Variants in CDH13 observed in about 807,000 individuals in gnomAD.
The protein encoded by CDH13 is cadherin 13.
Under a neutral mutation model 63.8 loss-of-function variants are expected in CDH13, and 24 were observed. That is an observed-to-expected ratio of 0.38 (90% CI 0.27 to 0.53). The LOEUF is 0.53. CDH13 is among the 20% of genes least tolerant of loss of function. The pLI is 0.85. For missense variants in CDH13, 1,049 were observed against 903.1 expected (o/e 1.16, Z -2.07); for synonymous variants, 503 against 355.3 (o/e 1.42, Z -4.67).
At chr16:82,898,524 C>G (rs1228171056) in intron 2 of CDH13, among the ~76,000 whole-genome samples, 1 of 152,058 alleles carries the variant, frequency 6.6e-6, no homozygotes, top group Admixed American at 6.5e-5. Flanking sequence ...GACTCCATCT[C>G]AAAAAAATGA....
intron 4 of CDH13, among the ~76,000 whole-genome samples, chr16:83,172,261 C>T (rs1194032180): frequency 3.9e-5 from 6 of 152,086 alleles, no homozygotes; most frequent in Non-Finnish European, 7.4e-5. Context: ...GAGGCCGAGG[C>T]AGGCAGATCA....
intron 2 of CDH13, among the ~76,000 whole-genome samples, chr16:82,915,884 C>G (rs552224045): frequency 6.7e-6 from 1 of 150,186 alleles, no homozygotes; most frequent in Non-Finnish European, 1.5e-5. Flanking sequence ...ATATCACAGC[C>G]TCTGGAATCC....
At chr16:83,790,036 C>G (rs1567598364) in intron 13 of CDH13, 1 of 152,144 alleles carries the variant, frequency 6.6e-6, no homozygotes. Flanking sequence ...AAAAAATACT[C>G]AGATCCAAGT....
chr16:82,736,851 T>A (rs1391514629), intron 1 of CDH13, among the ~76,000 whole-genome samples: 1 of 152,190 alleles, frequency 6.6e-6, no homozygotes, highest in East Asian at 1.9e-4. Context: ...CCTGGTCAGA[T>A]GGCCTCTCTT....
intron 5 of CDH13, among the ~76,000 whole-genome samples, chr16:83,226,428 C>T (rs1006491919): frequency 5.3e-5 from 8 of 152,328 alleles, no homozygotes; most frequent in South Asian, 2.1e-4. Context: ...CAACTTGAAT[C>T]TTGGCAGGTG....
chr16:82,870,153 C>T lies in CDH13; in HGVS notation c.157+11680C>T, dbSNP rs537052449. 8.6e-5 allele frequency among the ~76,000 whole-genome samples: 13 copies of T among 151,900 alleles called. No individual in the cohort carries two copies. In the South Asian group the frequency reaches 1.5e-3, roughly 17 times the overall value. On this transcript the variant is annotated intron_variant, in intron 2 of 13. Coordinates refer to ENST00000567109, the MANE Select transcript of CDH13 (RefSeq NM_001257.5). ...AAAAAAAAATCTCATTAAAAATGGG[C>T]GAAAGATATGAATTGACGTTTCTCA...
chr16:83,248,340 G>A (rs545218023), intron 5 of CDH13, among the ~76,000 whole-genome samples: 28 of 152,218 alleles, frequency 1.8e-4, no homozygotes, highest in African/African-American at 6.5e-4. Flanking sequence ...TTCAGGAGCG[G>A]GTCTATCTGT....
At chr16:83,408,046 C>G (rs537144739) in intron 6 of CDH13, among the ~76,000 whole-genome samples, 6 of 152,294 alleles carry the variant, frequency 3.9e-5, no homozygotes, top group African/African-American at 1.4e-4. Context: ...TGTCTCCTCC[C>G]AGCAGCAGTG....
chr16:83,061,189 A>G (rs368903807), intron 3 of CDH13, among the ~76,000 whole-genome samples: 2 of 152,210 alleles, frequency 1.3e-5, no homozygotes, highest in Non-Finnish European at 2.9e-5. Context: ...GGTTTCCAGG[A>G]TCCTGGTCTA....
chr16:83,512,078 T>C (rs2074580134), intron 7 of CDH13, among the ~76,000 whole-genome samples: 1 of 151,940 alleles, frequency 6.6e-6, no homozygotes, highest in African/African-American at 2.4e-5. Flanking sequence ...TTCCAGCACT[T>C]TGGGAGGCCG....
At position 83,164,831 on chromosome 16, in the gene CDH13, G is replaced by GTA. The variant is rs57130541; in HGVS notation, c.483+39342_483+39343dup. 2.7e-3 allele frequency among the ~76,000 whole-genome samples: 405 copies of GTA among 151,176 alleles called. 2 individuals carry two copies. Among genetic ancestry groups the GTA allele is most frequent in the African/African-American group, 5.9e-3 (245 of 41,228 alleles). On this transcript the variant is annotated intron_variant, in intron 4 of 13. Coordinates refer to ENST00000567109, the MANE Select transcript of CDH13 (RefSeq NM_001257.5). Reference sequence around the variant, plus strand: ...GCTATTTATTAAATACTAACAGTGTGTATATATATATATGCATGCTGGCTA... The same window carrying GTA: ...GCTATTTATTAAATACTAACAGTGTGTATATATATATATATGCATGCTGGCTA...
chr16:82,652,647 G>T (rs1353487449), intron 1 of CDH13, among the ~76,000 whole-genome samples: 3 of 149,908 alleles, frequency 2.0e-5, no homozygotes, highest in African/African-American at 7.3e-5. Flanking sequence ...TGCTGCTGCT[G>T]CTGCTGCTGC....
At chr16:82,915,131 C>G (rs552426842) in intron 2 of CDH13, among the ~76,000 whole-genome samples, 1 of 152,198 alleles carries the variant, frequency 6.6e-6, no homozygotes, top group African/African-American at 2.4e-5. Flanking sequence ...AGCCTGGATG[C>G]TCTCTGCAAA....
chr16:83,019,782 C>T (rs551293367), intron 2 of CDH13, among the ~76,000 whole-genome samples: 6 of 149,058 alleles, frequency 4.0e-5, no homozygotes, highest in African/African-American at 1.5e-4. Flanking sequence ...AAGCGTGAGC[C>T]ACCATGCCCG....
intron 5 of CDH13, among the ~76,000 whole-genome samples, chr16:83,280,256 T>G (rs2089129290): frequency 6.6e-6 from 1 of 152,248 alleles, no homozygotes; most frequent in African/African-American, 2.4e-5. Context: ...GTCGACTAAA[T>G]TTCTGTAATA....
chr16:83,217,033 C>G (rs1027409863), intron 4 of CDH13, among the ~76,000 whole-genome samples: 3 of 151,944 alleles, frequency 2.0e-5, no homozygotes. Flanking sequence ...AAATATATTT[C>G]GTGGAGTTAA....
chr16:83,676,595 T>C (rs978650717), intron 9 of CDH13, among the ~76,000 whole-genome samples: 2 of 152,242 alleles, frequency 1.3e-5, no homozygotes, highest in African/African-American at 4.8e-5. Context: ...ATTACTGCTG[T>C]GTTACAAGGA....
intron 1 of CDH13, among the ~76,000 whole-genome samples, chr16:82,834,344 A>C (rs2038673206): frequency 6.6e-6 from 1 of 152,212 alleles, no homozygotes; most frequent in Non-Finnish European, 1.5e-5. Context: ...CACCACGAGG[A>C]GGCCCCTAAA....
chr16:83,076,517 A>AT (rs1228932253), intron 3 of CDH13, among the ~76,000 whole-genome samples: 1 of 152,164 alleles, frequency 6.6e-6, no homozygotes, highest in African/African-American at 2.4e-5. Flanking sequence ...TATTGTGAAC[A>AT]TTTTCAAACA....
Sources: allele counts gnomAD v4.1 joint callset (sites outside exome capture counted in the v4.1 genomes callset), GRCh38; gene constraint gnomAD v4.1.1; transcripts MANE v1.5; gene names NCBI Gene and HGNC (gene_info 2026-07-23, HGNC 2026-07-21).